The following CNTNAP2 variants were observed in gnomAD, a reference collection of about 807,000 sequenced individuals.
CNTNAP2 encodes the protein contactin associated protein 2, also known as contactin-associated protein-like 2.
In CNTNAP2, 98 loss-of-function variants were observed where a neutral mutation model predicts 155.2. The ratio of observed to expected loss-of-function variants is 0.63; its 90% CI spans 0.54 to 0.75. CNTNAP2 has a LOEUF of 0.75. Among genes scored for constraint, CNTNAP2 ranks in the 30% least tolerant of loss-of-function variants. The pLI, the probability that CNTNAP2 is intolerant of heterozygous loss-of-function variation, is 0.00. For synonymous variants in CNTNAP2, 651 were observed against 631.2 expected (o/e 1.03, Z -0.47); for missense variants, 1,727 against 1,688.1 (o/e 1.02, Z -0.40).
chr7:148,155,562 C>T (rs1434101658), intron 17 of CNTNAP2, among the ~76,000 whole-genome samples: 4 of 152,238 alleles, frequency 2.6e-5, no homozygotes, highest in South Asian at 4.1e-4. Flanking sequence ...CCCACCCTCC[C>T]GTGGAGGGGA....
intron 17 of CNTNAP2, among the ~76,000 whole-genome samples, chr7:148,158,845 A>G (rs1325630653): frequency 6.6e-6 from 1 of 152,372 alleles, no homozygotes; most frequent in Admixed American, 6.5e-5. Flanking sequence ...ATAATTTCTT[A>G]TACAGATTTT....
intron 18 of CNTNAP2, among the ~76,000 whole-genome samples, chr7:148,176,677 T>C (rs1235818877): frequency 6.6e-6 from 1 of 152,198 alleles, no homozygotes; most frequent in African/African-American, 2.4e-5. Context: ...AACTAGACCA[T>C]GCAGGCAGTC....
intron 15 of CNTNAP2, among the ~76,000 whole-genome samples, chr7:148,048,343 A>G (rs984860400): frequency 2.6e-5 from 4 of 152,158 alleles, no homozygotes; most frequent in Non-Finnish European, 5.9e-5. Flanking sequence ...TATGTTTCAT[A>G]ACAATTATCT....
chr7:147,638,281 G>T (rs1366247993), intron 12 of CNTNAP2, among the ~76,000 whole-genome samples: 3 of 152,038 alleles, frequency 2.0e-5, no homozygotes, highest in Non-Finnish European at 4.4e-5. Context: ...TTTCTCCAGG[G>T]ATCCTAGTTT....
chr7:148,292,813 C>G (rs981862331), intron 21 of CNTNAP2, among the ~76,000 whole-genome samples: 4 of 152,122 alleles, frequency 2.6e-5, no homozygotes, highest in Non-Finnish European at 5.9e-5. Context: ...TCCATCCCCT[C>G]CACCCCAACA....
intron 12 of CNTNAP2, among the ~76,000 whole-genome samples, chr7:147,564,272 T>A (rs10268611): frequency 0.31 from 31,950 of 102,744 alleles, 4,027 homozygotes; most frequent in East Asian, 0.48. Flanking sequence ...CAGTTTAATT[T>A]TTTTTTCTAT....
Position 146,711,846 on chromosome 7 carries a change from A to AT in CNTNAP2, c.98-62425_98-62424insT, listed in dbSNP as rs1491462104. 1.9e-4 allele frequency among the ~76,000 whole-genome samples: 18 copies of AT among 93,418 alleles called. 1 individual carries two copies. The African/African-American group carries it at 2.0e-3, about 10-fold the overall frequency. The allele number at this position is 93,418 out of a possible 152,430, so 61.3% of individuals were successfully genotyped here. ...TATAGTATACACATCTTATGTATAC[A>AT]ATATAGTATACACATCTTATGTATA... On this transcript the variant is annotated intron_variant, in intron 1 of 23. Transcript: ENST00000361727.
At chr7:147,112,907 T>G (rs1259660224) in intron 5 of CNTNAP2, among the ~76,000 whole-genome samples, 1 of 152,094 alleles carries the variant, frequency 6.6e-6, no homozygotes, top group African/African-American at 2.4e-5. Context: ...TCATAGAGTG[T>G]GCTAGAGAGG....
At chr7:148,388,887 C>G (rs954782790) in intron 22 of CNTNAP2, among the ~76,000 whole-genome samples, 31 of 152,272 alleles carry the variant, frequency 2.0e-4, no homozygotes, top group Admixed American at 4.6e-4. Flanking sequence ...GATCGTTCCT[C>G]TGGAAGTTTT....
intron 8 of CNTNAP2, among the ~76,000 whole-genome samples, chr7:147,221,456 G>T (rs2116594843): frequency 6.6e-6 from 1 of 152,164 alleles, no homozygotes; most frequent in South Asian, 2.1e-4. Context: ...CTGCAGCTGA[G>T]AGTGCCGTCC....
chr7:147,973,140 C>A (rs1801363341), intron 14 of CNTNAP2, among the ~76,000 whole-genome samples: 1 of 129,234 alleles, frequency 7.7e-6, no homozygotes, highest in Non-Finnish European at 1.5e-5. Context: ...GGCAACAGAG[C>A]AAGACCCTGT....
intron 13 of CNTNAP2, among the ~76,000 whole-genome samples, chr7:147,890,267 G>C (rs151310518): frequency 1.3e-5 from 2 of 152,172 alleles, no homozygotes; most frequent in Non-Finnish European, 2.9e-5. Context: ...TATTCCTAAA[G>C]TGGTATTTTG....
intron 1 of CNTNAP2, among the ~76,000 whole-genome samples, chr7:146,192,637 C>T (rs182214272): frequency 6.6e-6 from 1 of 152,206 alleles, no homozygotes; most frequent in African/African-American, 2.4e-5. Flanking sequence ...ACACTGGATC[C>T]CTCCCATGAC....
At chr7:148,324,231 C>T (rs1256469135) in intron 21 of CNTNAP2, among the ~76,000 whole-genome samples, 1 of 152,006 alleles carries the variant, frequency 6.6e-6, no homozygotes, top group Admixed American at 6.6e-5. Flanking sequence ...GTGTCCCAGG[C>T]ATCATACATA....
At chr7:147,904,675 G>T (rs886600665) in intron 14 of CNTNAP2, among the ~76,000 whole-genome samples, 2 of 152,040 alleles carry the variant, frequency 1.3e-5, no homozygotes, top group Non-Finnish European at 2.9e-5. Context: ...TTCTGAGAAC[G>T]TAACTTTATA....
intron 3 of CNTNAP2, among the ~76,000 whole-genome samples, chr7:146,991,041 G>T (rs1006614135): frequency 3.3e-5 from 5 of 151,946 alleles, no homozygotes; most frequent in Admixed American, 6.6e-5. Context: ...AGTGCCTACT[G>T]GTTTCAGTTT....
At chr7:148,024,157 T>TA (rs34591496) in intron 15 of CNTNAP2, among the ~76,000 whole-genome samples, 42,417 of 107,538 alleles carry the variant, frequency 0.39, 8,647 homozygotes, top group South Asian at 0.49. Context: ...CTTTAAAGTG[T>TA]AAAAAAAAAA....
intron 1 of CNTNAP2, among the ~76,000 whole-genome samples, chr7:146,518,028 C>T (rs752592087): frequency 1.2e-4 from 18 of 151,696 alleles, no homozygotes; most frequent in South Asian, 2.1e-4. Context: ...CTATTTAAAA[C>T]GCATAAGGTG....
chr7:146,665,223 A>G (rs886781425), intron 1 of CNTNAP2, among the ~76,000 whole-genome samples: 1 of 152,130 alleles, frequency 6.6e-6, no homozygotes, highest in Non-Finnish European at 1.5e-5. Context: ...TGTTGGGATT[A>G]CAGGCGTGAG....
Sources: gnomAD v4.1 joint callset for allele counts (sites outside exome capture counted in the v4.1 genomes callset) on GRCh38, gnomAD v4.1.1 for gene constraint, MANE v1.5 for transcripts, NCBI Gene and HGNC (gene_info 2026-07-23, HGNC 2026-07-21) for gene names.